Variants in C2orf76 observed in about 807,000 individuals in gnomAD.
C2orf76 encodes the protein UPF0538 protein C2orf76.
In C2orf76, 23 loss-of-function variants were observed where a neutral mutation model predicts 16.9. The ratio of observed to expected loss-of-function variants is 1.36; its 90% CI spans 0.98 to 1.93. The LOEUF is 1.93. Among genes scored for constraint, C2orf76 ranks in the 30% most tolerant of loss-of-function variants. The pLI, the probability that C2orf76 is intolerant of heterozygous loss-of-function variation, is 0.00. For synonymous variants in C2orf76, 48 were observed against 52.3 expected, an observed-to-expected ratio of 0.92 and a Z score of 0.35; for missense variants, 152 against 152.6, an observed-to-expected ratio of 1.00 and a Z score of 0.02.
At chr2:119,331,998 A>T (rs897027934) in intron 2 of C2orf76, among the ~76,000 whole-genome samples, 2 of 152,130 alleles carry the variant, frequency 1.3e-5, no homozygotes, top group African/African-American at 4.8e-5. Flanking sequence ...AACTTTTCTC[A>T]TACAATTAAG....
Position 119,358,353 on chromosome 2 carries a change from G to C in C2orf76, c.-13+8437C>G, listed in dbSNP as rs967389612. 5.9e-5 allele frequency among the ~76,000 whole-genome samples: 9 copies of C among 152,104 alleles called. No individual in the cohort carries two copies. The East Asian group carries it at 1.7e-3, about 29-fold the overall frequency. The stretch of plus-strand genomic sequence containing the variant: ...TCATTTTGGGAGGCCTAGGTGGGTG[G>C]ATCACCTGAGGTCAGGAGTTCAAGA... On this transcript the variant is annotated intron_variant, in intron 1 of 5. Transcript: ENST00000334816.
At chr2:119,290,967 C>G in the C2orf76 span, among the ~76,000 whole-genome samples, 1 of 152,206 alleles carries the variant, frequency 6.6e-6, no homozygotes, top group African/African-American at 2.4e-5. Context: ...GGCTGACTTA[C>G]AGGGGGACAA....
intron 2 of C2orf76, among the ~76,000 whole-genome samples, chr2:119,325,225 C>T (rs78620463): frequency 2.6e-5 from 4 of 151,760 alleles, no homozygotes; most frequent in East Asian, 1.9e-4. Context: ...TTTGGGAGGC[C>T]GAGGCGGTTG....
At chr2:119,303,474 A>G (rs2104529703) in intron 5 of C2orf76, among the ~76,000 whole-genome samples, 1 of 152,318 alleles carries the variant, frequency 6.6e-6, no homozygotes, top group Middle Eastern at 3.4e-3. Context: ...AACAGACAAG[A>G]TTATTCGTAA....
At chr2:119,281,218 C>G in the C2orf76 span, among the ~76,000 whole-genome samples, 1 of 152,146 alleles carries the variant, frequency 6.6e-6, no homozygotes, top group African/African-American at 2.4e-5. Context: ...TATTTCATCA[C>G]CCGGGTATTA....
At chr2:119,289,438 A>G in the C2orf76 span, among the ~76,000 whole-genome samples, 1 of 152,058 alleles carries the variant, frequency 6.6e-6, no homozygotes, top group Non-Finnish European at 1.5e-5. Context: ...CTGTAATCCT[A>G]GCACTTTGGG....
chr2:119,300,050 TG>T (rs2104525137), downstream of C2orf76, among the ~76,000 whole-genome samples: 1 of 152,308 alleles, frequency 6.6e-6, no homozygotes, highest in East Asian at 1.9e-4. Flanking sequence ...CAGGATGGAA[TG>T]GGGGAAGTCA....
At chr2:119,358,893 A>T (rs1202627548) in intron 1 of C2orf76, among the ~76,000 whole-genome samples, 1 of 152,256 alleles carries the variant, frequency 6.6e-6, no homozygotes, top group Non-Finnish European at 1.5e-5. Flanking sequence ...GCTAAGATTG[A>T]TGAAGCTGGC....
At chr2:119,310,155 G>C (rs1454885349) in intron 5 of C2orf76, among the ~76,000 whole-genome samples, 2 of 151,750 alleles carry the variant, frequency 1.3e-5, no homozygotes, top group East Asian at 1.9e-4. Flanking sequence ...GTTTTCCATG[G>C]AGCTGTCTGT....
Position 119,324,144 on chromosome 2 carries a change from C to T in C2orf76, c.134-2940G>A, listed in dbSNP as rs1231930664. Among the ~76,000 whole-genome samples, 5 of 152,250 alleles carry T rather than the reference C, an allele frequency of 3.3e-5. No homozygotes were observed. The East Asian group carries it at 5.8e-4, about 18-fold the overall frequency. ...GACAATGAAACTCCCTGAAGAAAGC[C>T]GTGAGGTGAAGAACAGATGGCCCCA... is the stretch of plus-strand genomic sequence containing the variant. On this transcript the variant is annotated intron_variant, in intron 2 of 5. Coordinates refer to ENST00000334816, the MANE Select transcript of C2orf76 (RefSeq NM_001322331.2).
downstream of C2orf76, among the ~76,000 whole-genome samples, chr2:119,299,322 A>G (rs1191737320): frequency 6.6e-6 from 1 of 152,228 alleles, no homozygotes; most frequent in East Asian, 1.9e-4. Flanking sequence ...TTCCCTTGCT[A>G]ATTTTTATAT....
intron 2 of C2orf76, among the ~76,000 whole-genome samples, chr2:119,333,769 A>T (rs1679750015): frequency 6.6e-6 from 1 of 152,246 alleles, no homozygotes; most frequent in South Asian, 2.1e-4. Context: ...ATGAGAAAAC[A>T]ATCTAGACAA....
intron 5 of C2orf76, among the ~76,000 whole-genome samples, chr2:119,302,751 C>T (rs2104528460): frequency 6.6e-6 from 1 of 152,028 alleles, no homozygotes; most frequent in Admixed American, 6.6e-5. Flanking sequence ...GAATCAAAAC[C>T]TCAAATGATT....
intron 4 of C2orf76, among the ~76,000 whole-genome samples, chr2:119,315,420 A>G (rs775906883): frequency 8.5e-5 from 13 of 152,202 alleles, no homozygotes; most frequent in Non-Finnish European, 1.6e-4. Flanking sequence ...GATTAAAATT[A>G]CAGCTGAGTT....
At chr2:119,330,473 G>T (rs1417080293) in intron 2 of C2orf76, among the ~76,000 whole-genome samples, 1 of 151,184 alleles carries the variant, frequency 6.6e-6, no homozygotes, top group Non-Finnish European at 1.5e-5. Context: ...TTTTTCTCTT[G>T]CTGTTTTTAA....
At position 119,333,964 on chromosome 2, in the gene C2orf76, C is replaced by CT. The variant is rs202116896; in HGVS notation, c.133+5862dup. On this transcript the variant is annotated intron_variant, in intron 2 of 5. Transcript: ENST00000334816. ...ATGCATGTTTCTCTGTTCTTTTTTT[C>CT]TTTTTTTTTGTACAGATGGGGTCAT... Among the ~76,000 whole-genome samples the CT allele has an allele frequency of 4.4e-3, 667 of 151,198 alleles. 7 individuals are homozygous for CT. Among genetic ancestry groups the CT allele is most frequent in the Middle Eastern group, 0.014 (4 of 290 alleles).
chr2:119,287,657 T>C, the C2orf76 span, among the ~76,000 whole-genome samples: 1 of 152,200 alleles, frequency 6.6e-6, no homozygotes, highest in Admixed American at 6.5e-5. Flanking sequence ...GGCTCTTTCT[T>C]GATTCCTTGA....
chr2:119,281,356 T>C, the C2orf76 span, among the ~76,000 whole-genome samples: 1 of 152,090 alleles, frequency 6.6e-6, no homozygotes, highest in Non-Finnish European at 1.5e-5. Flanking sequence ...CTCCCACTTA[T>C]AACTGAGGAT....
chr2:119,341,998 C>T (rs1189234823), intron 1 of C2orf76, among the ~76,000 whole-genome samples: 1 of 152,164 alleles, frequency 6.6e-6, no homozygotes, highest in Non-Finnish European at 1.5e-5. Context: ...CAATTTCATT[C>T]ATACATAGGT....
Sources: allele counts gnomAD v4.1 joint callset (sites outside exome capture counted in the v4.1 genomes callset), GRCh38; gene constraint gnomAD v4.1.1; transcripts MANE v1.5; gene names NCBI Gene and HGNC (gene_info 2026-07-23, HGNC 2026-07-21).